Variants in HLCS observed in about 807,000 individuals in gnomAD.
The protein encoded by HLCS is biotin--protein ligase.
A neutral mutation model predicts 75.0 loss-of-function variants in HLCS; 53 were observed. The observed-to-expected ratio is 0.71, with a 90% CI of 0.57 to 0.89. The LOEUF (loss-of-function observed/expected upper bound fraction) is 0.89. HLCS is among the 40% of genes least tolerant of loss of function. The pLI, the probability that HLCS is intolerant of heterozygous loss-of-function variation, is 0.00. For missense variants in HLCS, 966 were observed against 1,074.0 expected (o/e 0.90, Z 1.41); for synonymous variants, 431 against 428.6 (o/e 1.01, Z -0.07).
chr21:36,987,154 C>T (rs1024116852), intron 1 of HLCS, among the ~76,000 whole-genome samples: 18 of 152,338 alleles, frequency 1.2e-4, no homozygotes, highest in African/African-American at 3.6e-4. Context: ...GTTGACCTTC[C>T]CTCCCCTTCC....
At chr21:36,989,749 G>A (rs1049434748) in intron 1 of HLCS, among the ~76,000 whole-genome samples, 1 of 152,282 alleles carries the variant, frequency 6.6e-6, no homozygotes, top group African/African-American at 2.4e-5. Flanking sequence ...TTTTAGCGGC[G>A]AGTAGGCCCT....
At chr21:36,983,068 G>A (rs1027292289) in intron 1 of HLCS, among the ~76,000 whole-genome samples, 19 of 152,032 alleles carry the variant, frequency 1.2e-4, no homozygotes, top group Admixed American at 2.6e-4. Context: ...AAAAAACTCT[G>A]GCGTAAGCAT....
At chr21:36,787,921 G>T (rs749969961) in intron 6 of HLCS, among the ~76,000 whole-genome samples, 2 of 152,152 alleles carry the variant, frequency 1.3e-5, no homozygotes, top group Non-Finnish European at 2.9e-5. Flanking sequence ...CTACCCACCA[G>T]CAGGGCTGCC....
intron 6 of HLCS, among the ~76,000 whole-genome samples, chr21:36,825,894 C>T (rs1054710547): frequency 6.6e-6 from 1 of 152,204 alleles, no homozygotes; most frequent in Admixed American, 6.5e-5. Flanking sequence ...CAACCAACAC[C>T]TAAGAGGGCA....
chr21:36,910,412 G>A (rs2065648893), intron 5 of HLCS, among the ~76,000 whole-genome samples: 1 of 152,108 alleles, frequency 6.6e-6, no homozygotes, highest in Admixed American at 6.5e-5. Flanking sequence ...CAGGCGTGGT[G>A]ATGGACACCT....
At chr21:36,809,950 G>A (rs13053024) in intron 6 of HLCS, among the ~76,000 whole-genome samples, 21,198 of 152,170 alleles carry the variant, frequency 0.14, 1,791 homozygotes, top group Non-Finnish European at 0.18. Flanking sequence ...TGTTGCCCAG[G>A]CTGGTCTCAG....
intron 1 of HLCS, among the ~76,000 whole-genome samples, chr21:36,964,994 TTTGTC>T (rs773995005): frequency 1.4e-4 from 22 of 152,326 alleles, no homozygotes; most frequent in Admixed American, 2.6e-4. Context: ...TTCTTCCCCT[TTTGTC>T]TGGGTAGTGT....
At position 36,754,124 on chromosome 21, in the gene HLCS, AC is replaced by A; in HGVS notation, c.*121del. 9.3e-7 allele frequency: 1 copy of A among 1,073,540 alleles called. No individual in the cohort carries two copies. Among genetic ancestry groups the A allele is most frequent in the Middle Eastern group, 2.9e-4 (1 of 3,434 alleles). 66.5% of individuals were successfully genotyped at this position (1,073,540 alleles called of 1,614,324 possible). A position where few individuals can be genotyped will look rare whatever the true frequency, so the allele number is the denominator to read the frequency against. On this transcript the variant is annotated 3_prime_UTR_variant, in exon 11 of 11. Coordinates refer to ENST00000674895, the MANE Select transcript of HLCS (RefSeq NM_001352514.2). ...AACAAACCTAAAAACAAACAGAAAC[AC>A]AGAAAAAGAACAAAGACTTAACAAA...
intron 2 of HLCS, chr21:36,944,270 C>A (rs559406388): frequency 1.3e-5 from 2 of 152,202 alleles, no homozygotes; most frequent in Admixed American, 1.3e-4. Flanking sequence ...AAAAAAGATG[C>A]CAAAGGATAC....
intron 6 of HLCS, among the ~76,000 whole-genome samples, chr21:36,882,003 C>A (rs1456486783): frequency 6.6e-6 from 1 of 151,586 alleles, no homozygotes; most frequent in Non-Finnish European, 1.5e-5. Context: ...TCCACGTCGG[C>A]CGGGCATGGT....
intron 5 of HLCS, among the ~76,000 whole-genome samples, chr21:36,911,541 G>A (rs2065708301): frequency 1.3e-5 from 2 of 151,724 alleles, no homozygotes; most frequent in Non-Finnish European, 2.9e-5. Flanking sequence ...TAAGGAGATC[G>A]AGACCATCCT....
chr21:36,885,701 C>T (rs781191242), intron 6 of HLCS, among the ~76,000 whole-genome samples: 8 of 152,066 alleles, frequency 5.3e-5, no homozygotes, highest in East Asian at 1.9e-4. Context: ...CATATTATCT[C>T]GGCGCATCCT....
At chr21:36,900,502 G>A (rs927674729) in intron 5 of HLCS, among the ~76,000 whole-genome samples, 7 of 152,100 alleles carry the variant, frequency 4.6e-5, no homozygotes, top group Admixed American at 2.6e-4. Context: ...ATCGCGGAGG[G>A]CCTCAAAGGC....
intron 1 of HLCS, among the ~76,000 whole-genome samples, chr21:36,979,421 T>G (rs4817840): frequency 0.37 from 56,266 of 151,738 alleles, 10,485 homozygotes; most frequent in East Asian, 0.5. Flanking sequence ...TCTCCAGCCA[T>G]GGGAACTAGC....
chr21:36,858,448 CA>C (rs1260888310), intron 6 of HLCS, among the ~76,000 whole-genome samples: 3 of 152,140 alleles, frequency 2.0e-5, no homozygotes, highest in African/African-American at 7.2e-5. Flanking sequence ...TTACAGAAAA[CA>C]GAAGATTGGG....
chr21:36,897,225 T>A, intron 5 of HLCS, 94 bp from the exon 6 acceptor site: 2 of 1,218,160 alleles, frequency 1.6e-6, no homozygotes, highest in Non-Finnish European at 2.4e-6. Flanking sequence ...GTAATATGAG[T>A]ACTTCCTAAT....
At chr21:36,804,968 A>G (rs1226978551) in intron 6 of HLCS, among the ~76,000 whole-genome samples, 1 of 152,104 alleles carries the variant, frequency 6.6e-6, no homozygotes, top group Non-Finnish European at 1.5e-5. Flanking sequence ...TTCCCTCTTA[A>G]CAGCTCCATG....
chr21:36,829,436 TATAAAC>T (rs1236126132), intron 6 of HLCS, among the ~76,000 whole-genome samples: 1 of 152,228 alleles, frequency 6.6e-6, no homozygotes, highest in Non-Finnish European at 1.5e-5. Flanking sequence ...TGTCATGACA[TATAAAC>T]ATAATTTACA....
intron 6 of HLCS, among the ~76,000 whole-genome samples, chr21:36,776,182 T>A (rs2060352231): frequency 6.6e-6 from 1 of 152,206 alleles, no homozygotes; most frequent in Admixed American, 6.5e-5. Flanking sequence ...TACAAAGCAT[T>A]CCTACATGCC....
Sources: gnomAD v4.1 joint callset for allele counts (sites outside exome capture counted in the v4.1 genomes callset) on GRCh38, gnomAD v4.1.1 for gene constraint, MANE v1.5 for transcripts, NCBI Gene and HGNC (gene_info 2026-07-23, HGNC 2026-07-21) for gene names.